The following SPTLC1 variants were observed in gnomAD, a reference collection of about 807,000 sequenced individuals.
SPTLC1 encodes the protein serine palmitoyltransferase long chain base subunit 1.
A neutral mutation model predicts 68.9 loss-of-function variants in SPTLC1; 55 were observed. The ratio of observed to expected loss-of-function variants is 0.80; its 90% CI spans 0.64 to 1.00. The LOEUF (loss-of-function observed/expected upper bound fraction) is 1.00. Among genes scored for constraint, SPTLC1 ranks in the 50% least tolerant of loss-of-function variants. The pLI is 0.00. For missense variants in SPTLC1, 449 were observed against 573.1 expected (o/e 0.78, Z 2.21); for synonymous variants, 197 against 201.6 (o/e 0.98, Z 0.19).
intron 3 of SPTLC1, among the ~76,000 whole-genome samples, chr9:92,087,065 A>C (rs1398894363): frequency 6.6e-6 from 1 of 152,116 alleles, no homozygotes; most frequent in Non-Finnish European, 1.5e-5. Context: ...TTCTTCACAT[A>C]GTTCTCGAGC....
intron 6 of SPTLC1, among the ~76,000 whole-genome samples, chr9:92,060,792 A>T (rs571832147): frequency 6.6e-6 from 1 of 151,422 alleles, no homozygotes; most frequent in African/African-American, 2.4e-5. Context: ...GGGTGCCTGT[A>T]GTCCGGGTTA....
intron 3 of SPTLC1, among the ~76,000 whole-genome samples, chr9:92,091,213 G>A (rs797017719): frequency 5.3e-5 from 8 of 152,256 alleles, no homozygotes; most frequent in African/African-American, 1.7e-4. Context: ...TCCTGGGAGC[G>A]GGACTTCACA....
At chr9:92,099,640 CACCT>C (rs1048298165) in intron 3 of SPTLC1, among the ~76,000 whole-genome samples, 1 of 151,924 alleles carries the variant, frequency 6.6e-6, no homozygotes, top group African/African-American at 2.4e-5. Context: ...TTACCACACC[CACCT>C]AATTTTTTGG....
chr9:92,060,018 A>C (rs1039002898), intron 6 of SPTLC1, among the ~76,000 whole-genome samples: 4 of 151,984 alleles, frequency 2.6e-5, no homozygotes, highest in African/African-American at 7.2e-5. Context: ...AGTAGTGGGC[A>C]CCCTCCCCAT....
rs200751691 is a variant in SPTLC1 at position 92,068,052 on chromosome 9, T to C, written c.474A>G (p.Thr158=). Residue 158 remains threonine (T), a synonymous_variant, in exon 6 of 15, where the codon ACA becomes ACG. Coordinates refer to ENST00000262554, the MANE Select transcript of SPTLC1 (RefSeq NM_006415.4). ...LEDRLAKFMK[T]EEAIIYSYGF... ...CATATGAGTATATAATGGCTTCTTCTGTCTTCATAAATTTTGCCAGGCGGT... is the reference window on the plus strand; with the variant it reads ...CATATGAGTATATAATGGCTTCTTCCGTCTTCATAAATTTTGCCAGGCGGT... 6.2e-7 allele frequency: 1 copy of C among 1,614,116 alleles called. No homozygotes were observed. Among genetic ancestry groups the C allele is most frequent in the Admixed American group, 1.7e-5 (1 of 60,028 alleles).
intron 12 of SPTLC1, among the ~76,000 whole-genome samples, chr9:92,044,947 A>C (rs2118427577): frequency 6.6e-6 from 1 of 152,322 alleles, no homozygotes. Context: ...AACACCATAG[A>C]GTGAAAGGCA....
chr9:92,063,237 C>T (rs141726634), intron 6 of SPTLC1, among the ~76,000 whole-genome samples: 56 of 152,244 alleles, frequency 3.7e-4, no homozygotes, highest in Non-Finnish European at 6.8e-4. Context: ...ATACCATGAA[C>T]AGCACCACAC....
intron 3 of SPTLC1, among the ~76,000 whole-genome samples, chr9:92,092,064 T>C (rs907332329): frequency 1.3e-5 from 2 of 152,240 alleles, no homozygotes; most frequent in Non-Finnish European, 2.9e-5. Context: ...ATCTTTATAC[T>C]GTCTCTTTCT....
chr9:92,095,277 T>C (rs1397112058), intron 3 of SPTLC1, among the ~76,000 whole-genome samples: 1 of 152,150 alleles, frequency 6.6e-6, no homozygotes, highest in Non-Finnish European at 1.5e-5. Context: ...CTTGAATTCC[T>C]ATATACTATC....
intron 3 of SPTLC1, among the ~76,000 whole-genome samples, chr9:92,098,931 A>T (rs1468011369): frequency 6.6e-6 from 1 of 152,190 alleles, no homozygotes; most frequent in Admixed American, 6.5e-5. Flanking sequence ...TAACGTGTGA[A>T]CATTCTGAAT....
At chr9:92,091,680 C>G (rs915098562) in intron 3 of SPTLC1, among the ~76,000 whole-genome samples, 4 of 152,062 alleles carry the variant, frequency 2.6e-5, no homozygotes, top group African/African-American at 9.7e-5. Context: ...TGTGAATCAC[C>G]TCATATTTCA....
At chr9:92,067,502 C>T (rs1428795443) in intron 6 of SPTLC1, among the ~76,000 whole-genome samples, 3 of 152,350 alleles carry the variant, frequency 2.0e-5, no homozygotes, top group East Asian at 3.9e-4. Flanking sequence ...TCAGCACAGG[C>T]ACGCGAGTGT....
At chr9:92,035,902 C>T (rs973877959) in intron 13 of SPTLC1, among the ~76,000 whole-genome samples, 1 of 152,194 alleles carries the variant, frequency 6.6e-6, no homozygotes, top group South Asian at 2.1e-4. Context: ...CTGTTTCTAG[C>T]CCTGGCTGGT....
At chr9:92,094,853 G>T (rs912926915) in intron 3 of SPTLC1, among the ~76,000 whole-genome samples, 5 of 152,162 alleles carry the variant, frequency 3.3e-5, no homozygotes, top group African/African-American at 1.2e-4. Context: ...TTCAACTGGA[G>T]TGCTGACAGT....
chr9:92,083,456 T>A (rs1287040165), intron 3 of SPTLC1, among the ~76,000 whole-genome samples: 1 of 152,034 alleles, frequency 6.6e-6, no homozygotes, highest in African/African-American at 2.4e-5. Flanking sequence ...GCTTTCTACA[T>A]ATGGCTAGCC....
chr9:92,038,104 C>G (rs999800036), intron 13 of SPTLC1, 144 bp downstream of exon 13: 1 of 745,500 alleles, frequency 1.3e-6, no homozygotes, highest in Non-Finnish European at 2.4e-6. Flanking sequence ...GATTCCATGT[C>G]AAGAGCGGGT....
At chr9:92,038,846 A>G (rs1833243299) in intron 12 of SPTLC1, among the ~76,000 whole-genome samples, 1 of 152,248 alleles carries the variant, frequency 6.6e-6, no homozygotes, top group Admixed American at 6.5e-5. Context: ...ATCCTTCACA[A>G]GCTACTCACT....
intron 12 of SPTLC1, among the ~76,000 whole-genome samples, chr9:92,041,040 C>T (rs78047809): frequency 0.03 from 4,580 of 152,266 alleles, 132 homozygotes; most frequent in South Asian, 0.11. Context: ...AGTGGATAAA[C>T]GAGCACTGGG....
intron 7 of SPTLC1, among the ~76,000 whole-genome samples, chr9:92,057,143 A>G (rs913153850): frequency 2.0e-5 from 3 of 152,202 alleles, no homozygotes; most frequent in African/African-American, 7.2e-5. Flanking sequence ...TAGTTTTAGG[A>G]CCTGATTTTA....
Sources: gnomAD v4.1 joint callset for allele counts (sites outside exome capture counted in the v4.1 genomes callset) on GRCh38, gnomAD v4.1.1 for gene constraint, MANE v1.5 for transcripts, NCBI Gene and HGNC (gene_info 2026-07-23, HGNC 2026-07-21) for gene names.